Variants in HOMER1 observed in about 807,000 individuals in gnomAD.
HOMER1 encodes the protein homer protein homolog 1.
A neutral mutation model predicts 48.9 loss-of-function variants in HOMER1; 3 were observed. The ratio of observed to expected loss-of-function variants is 0.06; its 90% CI spans 0.03 to 0.16. The LOEUF (loss-of-function observed/expected upper bound fraction) is 0.16. HOMER1 is among the 10% of genes least tolerant of loss of function. The pLI is 1.00. For missense variants in HOMER1, 247 were observed against 411.4 expected (o/e 0.60, Z 3.46); for synonymous variants, 134 against 146.4 (o/e 0.92, Z 0.61).
intron 8 of HOMER1, among the ~76,000 whole-genome samples, chr5:79,379,277 ATATC>A (rs1402443300): frequency 9.7e-5 from 8 of 82,466 alleles, no homozygotes; most frequent in East Asian, 2.8e-4. Flanking sequence ...TATATTATAT[ATATC>A]TATTATATAT....
At chr5:79,470,973 CCTT>C (rs745737473) in intron 1 of HOMER1, among the ~76,000 whole-genome samples, 3 of 152,106 alleles carry the variant, frequency 2.0e-5, no homozygotes, top group Non-Finnish European at 4.4e-5. Flanking sequence ...CTCTGCCACT[CCTT>C]CTCTCAACAC....
At chr5:79,412,043 T>C (rs1392748672) in intron 5 of HOMER1, among the ~76,000 whole-genome samples, 2 of 152,058 alleles carry the variant, frequency 1.3e-5, no homozygotes, top group African/African-American at 2.4e-5. Context: ...TGCTTGAACC[T>C]GGGAGGTGGA....
intron 1 of HOMER1, among the ~76,000 whole-genome samples, chr5:79,460,661 T>C: frequency 6.6e-6 from 1 of 152,156 alleles, no homozygotes; most frequent in East Asian, 1.9e-4. Flanking sequence ...GGGGTGGGTT[T>C]GTTCCTCGGG....
At chr5:79,428,486 G>T (rs536942619) in intron 5 of HOMER1, among the ~76,000 whole-genome samples, 155 of 152,136 alleles carry the variant, frequency 1.0e-3, no homozygotes, top group African/African-American at 3.7e-3. Flanking sequence ...TGATAGGAAA[G>T]GAGGAAGTAA....
chr5:79,508,606 T>A (rs1307416311), intron 1 of HOMER1, among the ~76,000 whole-genome samples: 1 of 152,196 alleles, frequency 6.6e-6, no homozygotes. Flanking sequence ...TTTAGTGGTG[T>A]CAATCACTGT....
chr5:79,464,754 C>T (rs939895344), intron 1 of HOMER1, among the ~76,000 whole-genome samples: 2 of 152,202 alleles, frequency 1.3e-5, no homozygotes, highest in South Asian at 2.1e-4. Flanking sequence ...ATATAACATA[C>T]TACCAACTGT....
At chr5:79,475,749 T>A (rs1422405075) in intron 1 of HOMER1, among the ~76,000 whole-genome samples, 1 of 152,182 alleles carries the variant, frequency 6.6e-6, no homozygotes, top group Non-Finnish European at 1.5e-5. Context: ...AGAACTAGGA[T>A]AATTGTAATG....
At chr5:79,407,992 C>T (rs78164041) in intron 5 of HOMER1, among the ~76,000 whole-genome samples, 2,404 of 152,242 alleles carry the variant, frequency 0.016, 30 homozygotes, top group Non-Finnish European at 0.022. Flanking sequence ...ACTTTTATTA[C>T]AGTATATTCC....
chr5:79,412,088 C>T (rs1283457820), intron 5 of HOMER1, among the ~76,000 whole-genome samples: 1 of 152,182 alleles, frequency 6.6e-6, no homozygotes. Context: ...CACAGCACTC[C>T]AGCCTGGGCG....
intron 4 of HOMER1, among the ~76,000 whole-genome samples, chr5:79,441,586 A>AT (rs1396666244): frequency 6.6e-6 from 1 of 152,194 alleles, no homozygotes; most frequent in African/African-American, 2.4e-5. Flanking sequence ...ATCCTAGGTC[A>AT]TTATACCTAA....
chr5:79,470,573 T>C (rs1245782771), intron 1 of HOMER1, among the ~76,000 whole-genome samples: 1 of 152,080 alleles, frequency 6.6e-6, no homozygotes, highest in African/African-American at 2.4e-5. Flanking sequence ...CTAATGCAAA[T>C]GAAAATAGAA....
intron 2 of HOMER1, among the ~76,000 whole-genome samples, chr5:79,451,650 C>G (rs1231576472): frequency 1.4e-5 from 2 of 147,638 alleles, no homozygotes; most frequent in African/African-American, 5.0e-5. Flanking sequence ...ACTGCAAGCT[C>G]CAACTCCCGG....
intron 8 of HOMER1, among the ~76,000 whole-genome samples, chr5:79,381,463 A>C (rs1342265078): frequency 2.0e-5 from 3 of 152,198 alleles, no homozygotes; most frequent in Non-Finnish European, 2.9e-5. Flanking sequence ...GAAATGTAAC[A>C]CCTTCCAAGG....
At chr5:79,506,424 G>A (rs936665770) in intron 1 of HOMER1, among the ~76,000 whole-genome samples, 4 of 151,860 alleles carry the variant, frequency 2.6e-5, no homozygotes, top group Admixed American at 6.6e-5. Flanking sequence ...CAGGACAGAC[G>A]GAAAAAGGAG....
At chr5:79,512,407 G>A (rs1054369620) in intron 1 of HOMER1, among the ~76,000 whole-genome samples, 3 of 152,192 alleles carry the variant, frequency 2.0e-5, no homozygotes, top group African/African-American at 7.2e-5. Flanking sequence ...AAAGTACTGA[G>A]AGAATGCAGT....
chr5:79,443,702 A>G (rs1049197183), intron 4 of HOMER1, among the ~76,000 whole-genome samples: 4 of 152,178 alleles, frequency 2.6e-5, no homozygotes, highest in African/African-American at 9.7e-5. Context: ...TATTAAGGAC[A>G]TATTGTTCTC....
Position 79,477,431 on chromosome 5 carries a change from G to A in HOMER1, c.6-20413C>T, listed in dbSNP as rs529021404. 3.9e-5 allele frequency among the ~76,000 whole-genome samples: 6 copies of A among 152,326 alleles called. No homozygotes were observed. The South Asian group carries it at 1.2e-3, about 32-fold the overall frequency. On this transcript the variant is annotated intron_variant, in intron 1 of 8. Coordinates refer to ENST00000334082, the MANE Select transcript of HOMER1 (RefSeq NM_004272.5). Reference sequence around the variant, plus strand: ...TGGTAATTTGGCCAGCATGGGCTGAGCTTTTGTCATTCACAAGTTCTATCT... The same window carrying A: ...TGGTAATTTGGCCAGCATGGGCTGAACTTTTGTCATTCACAAGTTCTATCT...
chr5:79,376,315 G>T, intron 8 of HOMER1, 118 bp from the exon 9 acceptor site: 1 of 705,466 alleles, frequency 1.4e-6, no homozygotes, highest in Non-Finnish European at 2.3e-6. Context: ...AGGATGAGCT[G>T]CAGAATCTTA....
In HOMER1 at chr5:79,512,935, T is replaced by C; in HGVS notation, c.-161A>G. Reference sequence around the variant, plus strand: ...GATGCTGCCAATTCAATTAGTTCTCTTAGGTAAAATGATTTCTCTCTTGTA... The same window carrying C: ...GATGCTGCCAATTCAATTAGTTCTCCTAGGTAAAATGATTTCTCTCTTGTA... On this transcript the variant is annotated 5_prime_UTR_variant, in exon 1 of 9. Transcript: ENST00000334082. 3.1e-6 allele frequency: 2 copies of C among 648,242 alleles called. No homozygotes were observed. The allele number at this position is 648,242 out of a possible 1,614,324, so 40.2% of individuals were successfully genotyped here. A position where few individuals can be genotyped will look rare whatever the true frequency, so the allele number is the denominator to read the frequency against.
Sources: gnomAD v4.1 joint callset for allele counts (sites outside exome capture counted in the v4.1 genomes callset) on GRCh38, gnomAD v4.1.1 for gene constraint, MANE v1.5 for transcripts, NCBI Gene and HGNC (gene_info 2026-07-23, HGNC 2026-07-21) for gene names.